The following MASP1 variants were observed in gnomAD, a reference collection of about 807,000 sequenced individuals.
MASP1 encodes the protein MBL associated serine protease 1.
Under a neutral mutation model 77.1 loss-of-function variants are expected in MASP1, and 59 were observed. The ratio of observed to expected loss-of-function variants is 0.77; its 90% CI spans 0.62 to 0.95. The LOEUF (loss-of-function observed/expected upper bound fraction) is 0.95. Ranked by LOEUF, MASP1 falls within the 40% of genes least tolerant of loss-of-function variation. The pLI is 0.00. For synonymous variants in MASP1, 362 were observed against 354.5 expected, an observed-to-expected ratio of 1.02 and a Z score of -0.24; for missense variants, 885 against 912.9, an observed-to-expected ratio of 0.97 and a Z score of 0.39.
chr3:187,220,496 CTTT>C (rs376566294), intron 15 of MASP1, among the ~76,000 whole-genome samples: 4 of 127,740 alleles, frequency 3.1e-5, no homozygotes, highest in East Asian at 2.3e-4. Context: ...TTTTTTCTTT[CTTT>C]TTTTTTTTTT....
chr3:187,267,665 C>G (rs932209479), intron 2 of MASP1, among the ~76,000 whole-genome samples: 1 of 152,204 alleles, frequency 6.6e-6, no homozygotes, highest in Admixed American at 6.5e-5. Context: ...TCATCAGATA[C>G]TTTCAGGTGA....
At chr3:187,248,863 A>G (rs1416727023) in intron 8 of MASP1, among the ~76,000 whole-genome samples, 1 of 152,208 alleles carries the variant, frequency 6.6e-6, no homozygotes, top group Non-Finnish European at 1.5e-5. Flanking sequence ...GGAAAAGAAC[A>G]ATCGTATTTT....
intron 13 of MASP1, among the ~76,000 whole-genome samples, chr3:187,224,557 G>A (rs952237498): frequency 1.5e-4 from 23 of 151,654 alleles, no homozygotes; most frequent in South Asian, 1.3e-3. Flanking sequence ...CGTTTTAGCC[G>A]GGATGGTCTC....
At chr3:187,225,043 T>A (rs553483113) in intron 13 of MASP1, among the ~76,000 whole-genome samples, 1 of 152,334 alleles carries the variant, frequency 6.6e-6, no homozygotes, top group South Asian at 2.1e-4. Context: ...CTCTTACTTC[T>A]CCAATCCTCC....
intron 11 of MASP1, among the ~76,000 whole-genome samples, chr3:187,227,199 G>A (rs2108504451): frequency 6.6e-6 from 1 of 152,298 alleles, no homozygotes; most frequent in East Asian, 1.9e-4. Flanking sequence ...TGCTGCCAGG[G>A]TGGAGAATCA....
intron 14 of MASP1, chr3:187,221,214 C>T: frequency 7.2e-6 from 7 of 972,336 alleles, no homozygotes; most frequent in Admixed American, 3.9e-5. Flanking sequence ...GACGGCTCCT[C>T]TCCACTCCAT....
At chr3:187,247,535 G>T in intron 8 of MASP1, 2 of 885,098 alleles carry the variant, frequency 2.3e-6, no homozygotes, top group Non-Finnish European at 1.8e-6. Context: ...GATTAAGAAT[G>T]CATAGTTTAG....
At chr3:187,266,961 T>C (rs1716082772) in intron 2 of MASP1, among the ~76,000 whole-genome samples, 1 of 152,248 alleles carries the variant, frequency 6.6e-6, no homozygotes, top group African/African-American at 2.4e-5. Context: ...TGCATGTCCA[T>C]AAATTCATTA....
chr3:187,234,261 T>C lies in MASP1; in HGVS notation c.*1423A>G, dbSNP rs1435902457. On this transcript the variant is annotated 3_prime_UTR_variant, in exon 11 of 11. Transcript: ENST00000296280. ...TGAGCCGGTTGAGAAAGTGGACACT[T>C]CCCAATCATTCCCTCTCAGGGGCTT... 3 of 1,287,218 alleles carry C rather than the reference T, an allele frequency of 2.3e-6. No homozygotes were observed. In the Admixed American group the frequency reaches 6.9e-5, roughly 30 times the overall value. 79.7% of individuals were successfully genotyped at this position (1,287,218 alleles called of 1,614,324 possible). A position where few individuals can be genotyped will look rare whatever the true frequency, so the allele number is the denominator to read the frequency against.
At chr3:187,220,299 C>G in intron 15 of MASP1, 2 of 1,584,396 alleles carry the variant, frequency 1.3e-6, no homozygotes, top group Non-Finnish European at 1.7e-6. Context: ...ATAAAATGCC[C>G]CTTCCCAGCC....
chr3:187,221,030 C>T lies in MASP1; in HGVS notation c.1909+5G>A, dbSNP rs72549176. On this transcript the variant is annotated splice_donor_5th_base_variant and intron_variant, in intron 15 of 15. Transcript: ENST00000337774. ...CCCCTGTTGTATGCCAGCCTCTTAACCCACCTTCCTTCTCCCCAGCACAGA... is the reference window on the plus strand; with the variant it reads ...CCCCTGTTGTATGCCAGCCTCTTAATCCACCTTCCTTCTCCCCAGCACAGA... The T allele has an allele frequency of 9.9e-4, 1,592 of 1,613,274 alleles. 10 individuals carry two copies. In the African/African-American group the frequency reaches 0.016, roughly 16 times the overall value.
Position 187,235,846 on chromosome 3 carries a change from G to T in MASP1, c.2025C>A (p.Ser675Arg), listed in dbSNP as rs764373692. 1 of 1,614,140 alleles carries T rather than the reference G, an allele frequency of 6.2e-7. No homozygotes were observed. The highest frequency in any genetic ancestry group is 2.2e-5 in the East Asian group (1 of 44,886). The change falls in exon 11 of 11, where the codon AGC (serine) becomes AGA (arginine). Residue 675 changes from serine (S) to arginine (R), a missense_variant. By Grantham distance (110) the Ser-to-Arg change is moderately radical (BLOSUM62 -1). Coordinates refer to ENST00000296280, the MANE Select transcript of MASP1 (RefSeq NM_139125.4). Reference sequence around the variant, plus strand: ...CCAGGCCTTGCACCACCCAGCGCTGGCTCAAGTCATCAAAGATGACAAAGG... The same window carrying T: ...CCAGGCCTTGCACCACCCAGCGCTGTCTCAAGTCATCAAAGATGACAAAGG... ...GGAFVIFDDL[S>R]QRWVVQGLVS... is the part of the protein sequence containing the mutation.
chr3:187,285,566 G>A (rs374039535), intron 2 of MASP1, among the ~76,000 whole-genome samples: 1 of 151,876 alleles, frequency 6.6e-6, no homozygotes, highest in Non-Finnish European at 1.5e-5. Flanking sequence ...AACACTAAAG[G>A]CTTTGAGAAC....
chr3:187,267,315 G>A (rs1289944115), intron 2 of MASP1, among the ~76,000 whole-genome samples: 7 of 152,210 alleles, frequency 4.6e-5, no homozygotes, highest in Non-Finnish European at 8.8e-5. Flanking sequence ...GAGCCTTTCT[G>A]AAATCTGCTC....
rs983681922 is a variant in MASP1, at chr3:187,234,890, A to G, written c.*794T>C. 3.9e-6 allele frequency: 5 copies of G among 1,287,166 alleles called. No homozygotes were observed. Among genetic ancestry groups the G allele is most frequent in the Non-Finnish European group, 5.1e-6 (5 of 988,660 alleles). 79.7% of individuals were successfully genotyped at this position (1,287,166 alleles called of 1,614,324 possible). On this transcript the variant is annotated 3_prime_UTR_variant, in exon 11 of 11. Coordinates refer to ENST00000296280, the MANE Select transcript of MASP1 (RefSeq NM_139125.4). ...TCTGGAGCAGCAGGTGTGGACGCCC[A>G]TGGTGTCAGCTGGTGTTCCAGGGTG... is the stretch of plus-strand genomic sequence containing the variant.
In MASP1 at chr3:187,234,372, G is replaced by A; in HGVS notation, c.*1312C>T. 7.8e-7 allele frequency: 1 copy of A among 1,287,258 alleles called. No individual in the cohort carries two copies. Among genetic ancestry groups the A allele is most frequent in the Non-Finnish European group, 1.0e-6 (1 of 988,700 alleles). The allele number at this position is 1,287,258 out of a possible 1,614,324, so 79.7% of individuals were successfully genotyped here. A position where few individuals can be genotyped will look rare whatever the true frequency, so the allele number is the denominator to read the frequency against. On this transcript the variant is annotated 3_prime_UTR_variant, in exon 11 of 11. Transcript: ENST00000296280. ...CAATCAGCCCTGTGAGGGCCAGAGA[G>A]GCTGCTAGCAGTCAGGGAAGCTCTG...
chr3:187,253,098 C>T, intron 6 of MASP1, 70 bp downstream of exon 6: 1 of 1,601,300 alleles, frequency 6.2e-7, no homozygotes, highest in Non-Finnish European at 8.5e-7. Context: ...TGCACACCTC[C>T]TCCCTCAGCC....
chr3:187,264,475 TAA>T (rs34053057), intron 2 of MASP1, among the ~76,000 whole-genome samples: 1 of 146,864 alleles, frequency 6.8e-6, no homozygotes, highest in Non-Finnish European at 1.5e-5. Context: ...GTGTAACACT[TAA>T]AAAAAAAAAA....
intron 8 of MASP1, 98 bp from the exon 9 acceptor site, chr3:187,243,719 G>T: frequency 7.0e-7 from 1 of 1,437,396 alleles, no homozygotes; most frequent in Non-Finnish European, 9.8e-7. Context: ...GTTGTGCACT[G>T]CACACAATTC....
Sources: gnomAD v4.1 joint callset for allele counts (sites outside exome capture counted in the v4.1 genomes callset) on GRCh38, gnomAD v4.1.1 for gene constraint, MANE v1.5 for transcripts, NCBI Gene and HGNC (gene_info 2026-07-23, HGNC 2026-07-21) for gene names.